Variants in SHC2 observed in about 807,000 individuals in gnomAD.
The protein encoded by SHC2 is SHC-transforming protein 2.
SHC2 carries 62 observed loss-of-function variants against 60.6 expected under a neutral mutation model. That is an observed-to-expected ratio of 1.02 (90% confidence interval 0.83 to 1.26). SHC2 has a LOEUF of 1.26. Ranked by LOEUF, SHC2 falls within the 50% of genes most tolerant of loss-of-function variation. SHC2 has a pLI of 0.00. For missense variants in SHC2, 873 were observed against 822.2 expected (o/e 1.06, Z -0.76); for synonymous variants, 375 against 372.4 (o/e 1.01, Z -0.08).
At chr19:430,359 C>T (rs983971540) in intron 9 of SHC2, among the ~76,000 whole-genome samples, 3 of 151,488 alleles carry the variant, frequency 2.0e-5, no homozygotes, top group Non-Finnish European at 2.9e-5. Context: ...GACCTAATAC[C>T]GTGTGGAAGA....
At position 459,271 on chromosome 19, in the gene SHC2, T is replaced by C. The variant is rs1441750318; in HGVS notation, c.468+1258A>G. 2.4e-3 allele frequency among the ~76,000 whole-genome samples: 176 copies of C among 72,774 alleles called. 2 individuals are homozygous for C. The highest frequency in any genetic ancestry group is 0.011 in the Middle Eastern group (1 of 92). 47.7% of individuals were successfully genotyped at this position (72,774 alleles called of 152,430 possible). Reference sequence around the variant, plus strand: ...GGGGGAAGGACCCCTCTCAACTCGGTGTAGGGGGAAGGACCCCACTGAAGC... The same window carrying C: ...GGGGGAAGGACCCCTCTCAACTCGGCGTAGGGGGAAGGACCCCACTGAAGC... On this transcript the variant is annotated intron_variant, in intron 1 of 12. Transcript: ENST00000264554.
Position 440,047 on chromosome 19 carries a change from G to A in SHC2, c.539+815C>T, listed in dbSNP as rs1974824079. On this transcript the variant is annotated intron_variant, in intron 2 of 12. Transcript: ENST00000264554. This position sits in a 1 kb window ranked among gnomAD's most constrained non-coding sequence, Gnocchi z 7.0. ...TCTCAAAAAAAAAAAAAAAAAAGGA[G>A]CAAGGCTCTGACCCAGGCCACAGCG... Among the ~76,000 whole-genome samples, 1 of 149,162 alleles carries A rather than the reference G, an allele frequency of 6.7e-6. No individual in the cohort carries two copies. The highest frequency in any genetic ancestry group is 1.5e-5 in the Non-Finnish European group (1 of 67,624).
intron 1 of SHC2, among the ~76,000 whole-genome samples, chr19:457,126 G>C (rs1306668778): frequency 0.023 from 2,692 of 114,822 alleles, 18 homozygotes; most frequent in Middle Eastern, 0.045. Flanking sequence ...GCTGTGCCCC[G>C]ACTAGAACTC....
chr19:458,723 C>T (rs1477648131), intron 1 of SHC2, among the ~76,000 whole-genome samples: 6 of 90,892 alleles, frequency 6.6e-5, no homozygotes, highest in African/African-American at 2.3e-4. Context: ...CTTGGGGAGG[C>T]GGAAGTGGGT....
chr19:422,515 G>T lies in SHC2; in HGVS notation c.1310-59C>A. 7.2e-7 allele frequency: 1 copy of T among 1,395,526 alleles called. No individual in the cohort carries two copies. The highest frequency in any genetic ancestry group is 9.6e-7 in the Non-Finnish European group (1 of 1,046,806). 86.4% of individuals were successfully genotyped at this position (1,395,526 alleles called of 1,614,324 possible). A position where few individuals can be genotyped will look rare whatever the true frequency, so the allele number is the denominator to read the frequency against. ...GGGGGCAAGCAGCTACTCCTGCCGGGACCAGAGCTGGGAGAAACGGGTTCC... is the reference window on the plus strand; with the variant it reads ...GGGGGCAAGCAGCTACTCCTGCCGGTACCAGAGCTGGGAGAAACGGGTTCC... On this transcript the variant is annotated intron_variant, in intron 10 of 12. Coordinates refer to ENST00000264554, the MANE Select transcript of SHC2 (RefSeq NM_012435.3). This position sits in a 1 kb window ranked among gnomAD's most constrained non-coding sequence, Gnocchi z 5.0.
rs747151233 is a variant in SHC2 at position 422,352 on chromosome 19, G to A, written c.1414C>T (p.Arg472Trp). 49 of 1,606,192 alleles carry A rather than the reference G, an allele frequency of 3.1e-5. No homozygotes were observed. In the Middle Eastern group the frequency reaches 6.6e-4, roughly 22 times the overall value. ...TCCTCCGTGGGGGCCACAGGGGCCC[G>A]GCGGGTAGGGGGGCTGGGCCACTGG... is the stretch of plus-strand genomic sequence containing the variant. The part of the protein sequence containing the change: ...EDQWPSPPTR[R>W]APVAPTEEQL... Residue 472 changes from arginine to tryptophan, a missense_variant, in exon 11 of 13, where the codon CGG becomes TGG. Physicochemically the swap from Arg to Trp is moderately radical, Grantham distance 101 (BLOSUM62 -3). Coordinates refer to ENST00000264554, the MANE Select transcript of SHC2 (RefSeq NM_012435.3). The surrounding 1 kb of genome is among the most constrained non-coding windows in gnomAD (Gnocchi z 5.0).
intron 9 of SHC2, among the ~76,000 whole-genome samples, chr19:427,235 C>A (rs921834703): frequency 1.3e-5 from 2 of 151,994 alleles, no homozygotes; most frequent in African/African-American, 4.8e-5. Context: ...AGGAAACAGG[C>A]AGCCGCAGGC....
rs1314639790 is a variant in SHC2 at position 424,959 on chromosome 19, T to C, written c.1309+138A>G. ...GGGCTTCCCCGTCCCACCCGTCGAC[T>C]TGAAGGATCTCACGGGGAGAAGGGA... On this transcript the variant is annotated intron_variant, in intron 10 of 12. Coordinates refer to ENST00000264554, the MANE Select transcript of SHC2 (RefSeq NM_012435.3). This position sits in a 1 kb window ranked among gnomAD's most constrained non-coding sequence, Gnocchi z 4.5. 20 of 977,366 alleles carry C rather than the reference T, an allele frequency of 2.0e-5. No homozygotes were observed. In the South Asian group the frequency reaches 4.8e-4, roughly 24 times the overall value. 60.5% of individuals were successfully genotyped at this position (977,366 alleles called of 1,614,324 possible).
intron 1 of SHC2, among the ~76,000 whole-genome samples, chr19:458,862 T>C (rs1025006723): frequency 6.6e-6 from 1 of 151,120 alleles, no homozygotes; most frequent in South Asian, 2.1e-4. Flanking sequence ...AAGCGGGTCC[T>C]GGGGAGGCAG....
Position 418,963 on chromosome 19 carries a change from GCTCA to G in SHC2, c.1710_1713del (p.Glu571CysfsTer187), listed in dbSNP as rs1347057729. 1 of 1,586,574 alleles carries G rather than the reference GCTCA, an allele frequency of 6.3e-7. No homozygotes were observed. ...CGTGAGACCACGCCACGCAGGTGCA[GCTCA>G]CTCTCGGCGGCCACGATGGGCTGCC... is the stretch of plus-strand genomic sequence containing the variant. On this transcript the variant is annotated frameshift_variant, in exon 12 of 13. Coordinates refer to ENST00000264554, the MANE Select transcript of SHC2 (RefSeq NM_012435.3). LOFTEE classifies it high-confidence loss of function.
rs1974478635 is a variant in SHC2 at position 428,620 on chromosome 19, C to T, written c.1174+2064G>A. ...AAAAGCTAGGAAAATAACTCAGGAG[C>T]CACTGACAGCTAACAGTGGCTGCCT... On this transcript the variant is annotated intron_variant, in intron 9 of 12. Transcript: ENST00000264554. Among the ~76,000 whole-genome samples, 4 of 152,258 alleles carry T rather than the reference C, an allele frequency of 2.6e-5. No individual in the cohort carries two copies. The South Asian group carries it at 8.3e-4, about 32-fold the overall frequency.
chr19:458,527 GGAGGCGGA>G lies in SHC2; in HGVS notation c.468+1994_468+2001del, dbSNP rs1445278958. ...CCGGGGAGGCGGAAGCGGGTCCTGG[GGAGGCGGA>G]TTCGGGTTCCGGGGAGGTGGAAGCG... On this transcript the variant is annotated intron_variant, in intron 1 of 12. Coordinates refer to ENST00000264554, the MANE Select transcript of SHC2 (RefSeq NM_012435.3). Among the ~76,000 whole-genome samples, 44 of 144,674 alleles carry G rather than the reference GGAGGCGGA, an allele frequency of 3.0e-4. 2 individuals are homozygous for G. Among genetic ancestry groups the G allele is most frequent in the African/African-American group, 1.1e-3 (43 of 39,482 alleles). 94.9% of individuals were successfully genotyped at this position (144,674 alleles called of 152,430 possible). A position where few individuals can be genotyped will look rare whatever the true frequency, so the allele number is the denominator to read the frequency against.
chr19:419,869 C>T (rs935870570), intron 11 of SHC2: 1 of 152,278 alleles, frequency 6.6e-6, no homozygotes, highest in African/African-American at 2.4e-5. Flanking sequence ...CGAGCAGCTC[C>T]TGAGTGAGGC....
rs1456868634 is a variant in SHC2 at position 425,750 on chromosome 19, C to T, written c.1175-519G>A. On this transcript the variant is annotated intron_variant, in intron 9 of 12. Transcript: ENST00000264554. The surrounding 1 kb of genome is among the most constrained non-coding windows in gnomAD (Gnocchi z 4.1). ...AACGTGTAAAGTGTTTACATGGGGC[C>T]GGGCGTGGTGGCTCACGCCTGTAAT... Among the ~76,000 whole-genome samples the T allele has an allele frequency of 6.6e-6, 1 of 152,014 alleles. No homozygotes were observed. The highest frequency in any genetic ancestry group is 2.4e-5 in the African/African-American group (1 of 41,380).
rs1441752786 is a variant in SHC2 at position 460,955 on chromosome 19, G to A, written c.42C>T (p.Pro14=). 1.0e-6 allele frequency: 1 copy of A among 983,294 alleles called. No individual in the cohort carries two copies. Among genetic ancestry groups the A allele is most frequent in the Non-Finnish European group, 1.2e-6 (1 of 828,680 alleles). The allele number at this position is 983,294 out of a possible 1,614,324, so 60.9% of individuals were successfully genotyped here. A position where few individuals can be genotyped will look rare whatever the true frequency, so the allele number is the denominator to read the frequency against. Reference sequence around the variant, plus strand: ...TGGGCGCCTCGGGCTCGGGGGGCGCGGGGGGCGCCGGGGGCGCGCGCCCGC... The same window carrying A: ...TGGGCGCCTCGGGCTCGGGGGGCGCAGGGGGCGCCGGGGGCGCGCGCCCGC... ...GPGGRAPPAP[P]APPEPEAPTT... is the part of the protein sequence containing the mutation. The change falls in exon 1 of 13, where the codon CCC becomes CCT. Residue 14 remains proline (P), a synonymous_variant. Coordinates refer to ENST00000264554, the MANE Select transcript of SHC2 (RefSeq NM_012435.3).
At chr19:454,521 G>A (rs539398215) in intron 1 of SHC2, among the ~76,000 whole-genome samples, 26 of 152,152 alleles carry the variant, frequency 1.7e-4, no homozygotes, top group Admixed American at 1.4e-3. Flanking sequence ...ACGCGACGGC[G>A]CACACCTGTC....
At position 445,827 on chromosome 19, in the gene SHC2, A is replaced by C. The variant is rs1182751210; in HGVS notation, c.469-4895T>G. Reference sequence around the variant, plus strand: ...GGTGAGTGGATCACTTGAGGTCAGGAGTTTGAGACTAGCCTGGCCAACATG... The same window carrying C: ...GGTGAGTGGATCACTTGAGGTCAGGCGTTTGAGACTAGCCTGGCCAACATG... On this transcript the variant is annotated intron_variant, in intron 1 of 12. Transcript: ENST00000264554. The surrounding 1 kb of genome is among the most constrained non-coding windows in gnomAD (Gnocchi z 4.4). Among the ~76,000 whole-genome samples the C allele has an allele frequency of 3.9e-5, 6 of 152,134 alleles. No individual in the cohort carries two copies. The East Asian group carries it at 1.2e-3, about 29-fold the overall frequency.
At chr19:460,268 G>A (rs947109022) in intron 1 of SHC2, among the ~76,000 whole-genome samples, 1 of 151,776 alleles carries the variant, frequency 6.6e-6, no homozygotes, top group Non-Finnish European at 1.5e-5. Context: ...AGTGGGGGGC[G>A]GTGCACCTGC....
rs564179584 is a variant in SHC2, at chr19:430,721, G to A, written c.1137C>T (p.Ala379=). ...DQGPSPSLRD[A]CSLPWDVGST... ...ACCCCACGTCCCATGGCAGGCTGCA[G>A]GCATCTCTTAGAGAAGGAGATGGGC... is the stretch of plus-strand genomic sequence containing the variant. The change falls in exon 9 of 13, where the codon GCC becomes GCT. Residue 379 remains alanine, a synonymous_variant. Coordinates refer to ENST00000264554, the MANE Select transcript of SHC2 (RefSeq NM_012435.3). The A allele has an allele frequency of 6.2e-7, 1 of 1,612,988 alleles. No homozygotes were observed. The highest frequency in any genetic ancestry group is 8.5e-7 in the Non-Finnish European group (1 of 1,179,822).
Sources: allele counts gnomAD v4.1 joint callset (sites outside exome capture counted in the v4.1 genomes callset), GRCh38; gene constraint gnomAD v4.1.1; non-coding constraint Gnocchi (gnomAD v3.1); transcripts MANE v1.5; gene names NCBI Gene and HGNC (gene_info 2026-07-23, HGNC 2026-07-21).